Variants in ZFPM2 observed in about 807,000 individuals in gnomAD.
ZFPM2 encodes zinc finger protein, FOG family member 2.
In ZFPM2, 20 loss-of-function variants were observed where a neutral mutation model predicts 98.6. The ratio of observed to expected loss-of-function variants is 0.20; its 90% CI spans 0.14 to 0.29. The LOEUF is 0.29. ZFPM2 is among the 10% of genes least tolerant of loss of function. The probability of loss-of-function intolerance (pLI) is 1.00; values close to 1 mark genes in which losing one functional copy is unlikely to be tolerated. For missense variants in ZFPM2, 1,310 were observed against 1,388.6 expected, an observed-to-expected ratio of 0.94 and a Z score of 0.90; for synonymous variants, 518 against 502.7, an observed-to-expected ratio of 1.03 and a Z score of -0.41.
At chr8:105,606,358 A>G (rs542435355) in intron 4 of ZFPM2, among the ~76,000 whole-genome samples, 5 of 151,814 alleles carry the variant, frequency 3.3e-5, no homozygotes, top group East Asian at 1.9e-4. Context: ...ATGTATTTCC[A>G]TATCTTTTTT....
At chr8:105,493,579 G>T (rs1207803884) in intron 3 of ZFPM2, among the ~76,000 whole-genome samples, 1 of 152,126 alleles carries the variant, frequency 6.6e-6, no homozygotes, top group Admixed American at 6.6e-5. Context: ...TAAAGTTTGT[G>T]CACTGTGGTT....
intron 4 of ZFPM2, among the ~76,000 whole-genome samples, chr8:105,590,463 A>G (rs1444764319): frequency 6.6e-6 from 1 of 152,238 alleles, no homozygotes; most frequent in East Asian, 1.9e-4. Context: ...TAAGCCACAC[A>G]CATATTAAAA....
intron 4 of ZFPM2, among the ~76,000 whole-genome samples, chr8:105,583,309 T>C (rs1815642514): frequency 6.6e-6 from 1 of 152,192 alleles, no homozygotes; most frequent in African/African-American, 2.4e-5. Flanking sequence ...ATATATCATT[T>C]TGATGAAATA....
chr8:105,641,608 A>G (rs1333531028), intron 5 of ZFPM2, among the ~76,000 whole-genome samples: 1 of 152,034 alleles, frequency 6.6e-6, no homozygotes, highest in Admixed American at 6.6e-5. Flanking sequence ...GCAAATAGTG[A>G]GCCTTGTGTC....
rs535108282 is a variant in ZFPM2, at chr8:105,610,058, T to G, written c.421-24188T>G. Among the ~76,000 whole-genome samples the G allele has an allele frequency of 3.9e-5, 6 of 152,238 alleles. No individual in the cohort carries two copies. The East Asian group carries it at 5.8e-4, about 15-fold the overall frequency. On this transcript the variant is annotated intron_variant, in intron 4 of 7. Coordinates refer to ENST00000407775, the MANE Select transcript of ZFPM2 (RefSeq NM_012082.4). ...TAACTACTTTGGAGCAATGCAATTA[T>G]GAATTTCTTGAGGGGGAAAAAGGAG... is the stretch of plus-strand genomic sequence containing the variant.
chr8:105,363,262 C>T (rs1425402117), intron 1 of ZFPM2, among the ~76,000 whole-genome samples: 1 of 152,020 alleles, frequency 6.6e-6, no homozygotes, highest in Non-Finnish European at 1.5e-5. Context: ...CTGTGGCTTG[C>T]TAAATATATA....
At chr8:105,459,084 C>A (rs534461924) in intron 3 of ZFPM2, among the ~76,000 whole-genome samples, 15 of 151,694 alleles carry the variant, frequency 9.9e-5, no homozygotes, top group Admixed American at 3.3e-4. Context: ...TTCTTTTTTT[C>A]TTTCTCTGAG....
chr8:105,680,469 T>TC (rs1034845434), intron 5 of ZFPM2, among the ~76,000 whole-genome samples: 2 of 152,192 alleles, frequency 1.3e-5, no homozygotes, highest in Non-Finnish European at 2.9e-5. Context: ...ATTGATAATC[T>TC]CCTCCTCCAA....
chr8:105,336,594 A>G (rs1812329029), intron 1 of ZFPM2, among the ~76,000 whole-genome samples: 1 of 151,638 alleles, frequency 6.6e-6, no homozygotes, highest in Non-Finnish European at 1.5e-5. Context: ...GTAATTTTAA[A>G]AGGAATAAAT....
At chr8:105,615,788 T>A (rs913904032) in intron 4 of ZFPM2, among the ~76,000 whole-genome samples, 2 of 152,124 alleles carry the variant, frequency 1.3e-5, no homozygotes, top group African/African-American at 2.4e-5. Context: ...AATTCATGCA[T>A]TTTTGACAAA....
At chr8:105,506,837 A>G (rs1348145309) in intron 3 of ZFPM2, among the ~76,000 whole-genome samples, 1 of 152,050 alleles carries the variant, frequency 6.6e-6, no homozygotes, top group Non-Finnish European at 1.5e-5. Flanking sequence ...AAATACAAAA[A>G]ATTAGCCAGG....
chr8:105,470,122 T>G (rs991425219), intron 3 of ZFPM2, among the ~76,000 whole-genome samples: 1 of 152,184 alleles, frequency 6.6e-6, no homozygotes, highest in Non-Finnish European at 1.5e-5. Context: ...AAAAATAACT[T>G]GTTTTCTCTT....
chr8:105,396,668 T>C (rs544358380), intron 1 of ZFPM2, among the ~76,000 whole-genome samples: 1 of 152,236 alleles, frequency 6.6e-6, no homozygotes, highest in Non-Finnish European at 1.5e-5. Context: ...TGCATGTTTA[T>C]CATGCTTTAC....
At chr8:105,361,721 C>T (rs1440664919) in intron 1 of ZFPM2, among the ~76,000 whole-genome samples, 3 of 152,038 alleles carry the variant, frequency 2.0e-5, no homozygotes, top group African/African-American at 7.2e-5. Context: ...TTGAAGCTTG[C>T]ATTTAATAGA....
chr8:105,546,978 T>C (rs962448147), intron 3 of ZFPM2, among the ~76,000 whole-genome samples: 2 of 152,196 alleles, frequency 1.3e-5, no homozygotes, highest in African/African-American at 4.8e-5. Context: ...TTCCCTTTTT[T>C]TGGGGAGGAG....
chr8:105,462,232 C>A (rs576433891), intron 3 of ZFPM2, among the ~76,000 whole-genome samples: 2 of 152,206 alleles, frequency 1.3e-5, no homozygotes, highest in South Asian at 2.1e-4. Context: ...TCATCAAGCA[C>A]CCTGGCTCCA....
chr8:105,750,739 C>T (rs758852532), intron 5 of ZFPM2, among the ~76,000 whole-genome samples: 3 of 152,086 alleles, frequency 2.0e-5, no homozygotes, highest in Middle Eastern at 3.4e-3. Context: ...AGAGGAAAAA[C>T]GTTGGCAGAG....
At position 105,793,022 on chromosome 8, in the gene ZFPM2, G is replaced by C. The variant is rs538048511; in HGVS notation, c.739+4098G>C. On this transcript the variant is annotated intron_variant, in intron 6 of 7. Transcript: ENST00000407775. ...TTTCCTGAATACAACACACTGATGA[G>C]TCTTGACTCTTTATCCAATTTGCCA... Among the ~76,000 whole-genome samples the C allele has an allele frequency of 4.0e-4, 60 of 151,668 alleles. 1 individual carries two copies. The highest frequency in any genetic ancestry group is 1.2e-3 in the African/African-American group (51 of 40,964).
chr8:105,665,327 G>A (rs566438388), intron 5 of ZFPM2, among the ~76,000 whole-genome samples: 53 of 152,072 alleles, frequency 3.5e-4, no homozygotes, highest in Middle Eastern at 3.4e-3. Context: ...AACTTTTGGG[G>A]GACATACTCA....
Sources: allele counts gnomAD v4.1 joint callset (sites outside exome capture counted in the v4.1 genomes callset), GRCh38; gene constraint gnomAD v4.1.1; transcripts MANE v1.5; gene names NCBI Gene and HGNC (gene_info 2026-07-23, HGNC 2026-07-21).